The following ADAP1 variants were observed in gnomAD, a reference collection of about 807,000 sequenced individuals.
ADAP1 encodes the protein arf-GAP with dual PH domain-containing protein 1.
In ADAP1, 31 loss-of-function variants were observed where a neutral mutation model predicts 54.9. The ratio of observed to expected loss-of-function variants is 0.56; its 90% CI spans 0.42 to 0.76. ADAP1 has a LOEUF of 0.76. Among genes scored for constraint, ADAP1 ranks in the 30% least tolerant of loss-of-function variants. ADAP1 has a pLI of 0.00. For synonymous variants in ADAP1, 313 were observed against 202.6 expected (o/e 1.55, Z -4.63); for missense variants, 535 against 512.4 (o/e 1.04, Z -0.42).
intron 4 of ADAP1, among the ~76,000 whole-genome samples, chr7:908,136 A>C (rs1845557150): frequency 6.6e-6 from 1 of 152,138 alleles, no homozygotes. Context: ...GACCTACGCC[A>C]CAGGGACGCG....
chr7:940,301 A>G (rs986819582), intron 1 of ADAP1, among the ~76,000 whole-genome samples: 9 of 149,808 alleles, frequency 6.0e-5, no homozygotes, highest in African/African-American at 1.2e-4. Flanking sequence ...TGGCACGACT[A>G]CACTCCAGCC....
chr7:900,955 T>C (rs1844779230), intron 6 of ADAP1: 1 of 545,474 alleles, frequency 1.8e-6, no homozygotes, highest in Non-Finnish European at 3.6e-6. Context: ...CTGGTGCTGC[T>C]GGGGCCTGGG....
chr7:928,389 A>G (rs906344341), intron 2 of ADAP1, among the ~76,000 whole-genome samples: 1 of 152,252 alleles, frequency 6.6e-6, no homozygotes, highest in Non-Finnish European at 1.5e-5. Context: ...GTAAAAATAA[A>G]AAATAAATAA....
At chr7:914,281 C>T (rs981062991) in intron 4 of ADAP1, among the ~76,000 whole-genome samples, 20 of 152,338 alleles carry the variant, frequency 1.3e-4, no homozygotes, top group South Asian at 4.1e-4. Flanking sequence ...TCCCAAGCCC[C>T]GAGCTTCCCC....
At chr7:915,287 G>T (rs1845889272) in intron 4 of ADAP1, among the ~76,000 whole-genome samples, 1 of 152,120 alleles carries the variant, frequency 6.6e-6, no homozygotes, top group African/African-American at 2.4e-5. Context: ...CATCTCGTCT[G>T]TGTACCTCAC....
intron 3 of ADAP1, among the ~76,000 whole-genome samples, chr7:925,528 T>A (rs1846352763): frequency 8.1e-6 from 1 of 123,694 alleles, no homozygotes; most frequent in Non-Finnish European, 1.7e-5. Flanking sequence ...TGAGGACCCC[T>A]GATCCCACTG....
At chr7:939,466 C>T (rs1583182288) in intron 1 of ADAP1, among the ~76,000 whole-genome samples, 1 of 151,926 alleles carries the variant, frequency 6.6e-6, no homozygotes, top group East Asian at 2.0e-4. Context: ...GATCCGCCTG[C>T]CTCGGCCTCA....
intron 1 of ADAP1, among the ~76,000 whole-genome samples, chr7:936,599 G>A (rs1389477637): frequency 6.6e-6 from 1 of 152,242 alleles, no homozygotes; most frequent in Non-Finnish European, 1.5e-5. Flanking sequence ...TGGCTAAGAG[G>A]GCTGCTGTGT....
At chr7:934,865 G>A (rs1846698868) in intron 2 of ADAP1, among the ~76,000 whole-genome samples, 2 of 152,220 alleles carry the variant, frequency 1.3e-5, no homozygotes, top group South Asian at 4.1e-4. Context: ...GCATGGGTGA[G>A]AGGTGGGCAG....
chr7:930,403 C>A (rs10480060), intron 2 of ADAP1, among the ~76,000 whole-genome samples: 1 of 114,716 alleles, frequency 8.7e-6, no homozygotes, highest in East Asian at 2.5e-4. Context: ...CAGGGCCGGG[C>A]GCGGTGGCTC....
chr7:902,395 T>A, intron 6 of ADAP1, among the ~76,000 whole-genome samples: 2 of 109,470 alleles, frequency 1.8e-5, no homozygotes, highest in Non-Finnish European at 1.9e-5. Context: ...GAGGCAAAGG[T>A]TGCAGTGAGC....
chr7:940,022 G>A (rs1016950135), intron 1 of ADAP1, among the ~76,000 whole-genome samples: 14 of 152,088 alleles, frequency 9.2e-5, no homozygotes, highest in African/African-American at 1.4e-4. Context: ...TCTTGCAACT[G>A]GCACAAGGTC....
chr7:900,874 A>C, intron 6 of ADAP1: 3 of 616,324 alleles, frequency 4.9e-6, no homozygotes, highest in East Asian at 3.4e-5. Context: ...AGAAGGGCCG[A>C]AGGGCCGAAG....
In ADAP1 at chr7:898,896, G is replaced by A. The variant is rs779282889; in HGVS notation, c.*25C>T. The A allele has an allele frequency of 1.9e-6, 3 of 1,586,026 alleles. No individual in the cohort carries two copies. Among genetic ancestry groups the A allele is most frequent in the East Asian group, 2.3e-5 (1 of 42,852 alleles). On this transcript the variant is annotated 3_prime_UTR_variant, in exon 11 of 11. Coordinates refer to ENST00000265846, the MANE Select transcript of ADAP1 (RefSeq NM_006869.4). ...TCCGTCCAGCCACAGTGAGTCCAAT[G>A]TCCGTGGTCCTCCAGCCGCACTCGC...
rs1262880327 is a variant in ADAP1 at position 904,259 on chromosome 7, T to A, written c.515A>T (p.Lys172Met). 1 of 1,596,518 alleles carries A rather than the reference T, an allele frequency of 6.3e-7. No homozygotes were observed. The highest frequency in any genetic ancestry group is 8.5e-7 in the Non-Finnish European group (1 of 1,170,864). ...YFNRNDAKEP[K>M]AVMKIEHLNA... ...CAGGTGCTCGATCTTCATCACGGCCTTGGGCTCCTTGGCCTGAGAAGGGGT... is the reference window on the plus strand; with the variant it reads ...CAGGTGCTCGATCTTCATCACGGCCATGGGCTCCTTGGCCTGAGAAGGGGT... The change falls in exon 6 of 11, where the codon AAG becomes ATG. Residue 172 changes from lysine (K) to methionine (M), a missense_variant. Physicochemically the swap from Lys to Met is moderately conservative, Grantham distance 95 (BLOSUM62 -1). Coordinates refer to ENST00000265846, the MANE Select transcript of ADAP1 (RefSeq NM_006869.4).
At chr7:914,278 C>T (rs1010085847) in intron 4 of ADAP1, among the ~76,000 whole-genome samples, 7 of 152,218 alleles carry the variant, frequency 4.6e-5, no homozygotes, top group African/African-American at 1.7e-4. Flanking sequence ...CCTTCCCAAG[C>T]CCCGAGCTTC....
rs988772653 is a variant in ADAP1 at position 905,251 on chromosome 7, AGG to A, written c.389-81_389-80del. On this transcript the variant is annotated intron_variant, in intron 4 of 10. Coordinates refer to ENST00000265846, the MANE Select transcript of ADAP1 (RefSeq NM_006869.4). ...AAAGGAGTGACGATGGACAGGACAGAGGGGACATGGGGAGAAGACACGGGGGA... is the reference window on the plus strand; with the variant it reads ...AAAGGAGTGACGATGGACAGGACAGAGGACATGGGGAGAAGACACGGGGGA... 3.4e-5 allele frequency: 32 copies of A among 932,504 alleles called. No individual in the cohort carries two copies. The Admixed American group carries it at 6.6e-4, about 19-fold the overall frequency. 57.8% of individuals were successfully genotyped at this position (932,504 alleles called of 1,614,324 possible).
intron 3 of ADAP1, among the ~76,000 whole-genome samples, chr7:922,218 G>T (rs12667325): frequency 0.85 from 130,057 of 152,188 alleles, 55,770 homozygotes; most frequent in East Asian, 0.97. Context: ...AGAGCCACCA[G>T]GAAAGCTCCA....
At chr7:936,969 G>A (rs968475331) in intron 1 of ADAP1, among the ~76,000 whole-genome samples, 1 of 152,252 alleles carries the variant, frequency 6.6e-6, no homozygotes, top group African/African-American at 2.4e-5. Flanking sequence ...CTGGGCCTGG[G>A]CTCTGAGTCA....
Sources: gnomAD v4.1 joint callset for allele counts (sites outside exome capture counted in the v4.1 genomes callset) on GRCh38, gnomAD v4.1.1 for gene constraint, MANE v1.5 for transcripts, NCBI Gene and HGNC (gene_info 2026-07-23, HGNC 2026-07-21) for gene names.